The following KIRREL1 variants were observed in gnomAD, a reference collection of about 807,000 sequenced individuals.
KIRREL1 encodes the protein kirre like nephrin family adhesion molecule 1, also known as kin of IRRE-like protein 1.
In KIRREL1, 25 loss-of-function variants were observed where a neutral mutation model predicts 83.3. The observed-to-expected ratio is 0.30, with a 90% CI of 0.22 to 0.42. The LOEUF (loss-of-function observed/expected upper bound fraction) is 0.42. Among genes scored for constraint, KIRREL1 ranks in the 10% least tolerant of loss-of-function variants. The pLI, the probability that KIRREL1 is intolerant of heterozygous loss-of-function variation, is 1.00. For synonymous variants in KIRREL1, 388 were observed against 410.4 expected, an observed-to-expected ratio of 0.95 and a Z score of 0.66; for missense variants, 812 against 1,032.3, an observed-to-expected ratio of 0.79 and a Z score of 2.92.
intron 1 of KIRREL1, among the ~76,000 whole-genome samples, chr1:158,043,444 C>A (rs771552045): frequency 1.3e-5 from 2 of 152,216 alleles, no homozygotes; most frequent in Non-Finnish European, 2.9e-5. Flanking sequence ...GGCCTCCACC[C>A]CAGGCGGGAT....
intron 1 of KIRREL1, among the ~76,000 whole-genome samples, chr1:158,050,970 A>G (rs1350455505): frequency 1.3e-5 from 2 of 152,220 alleles, no homozygotes; most frequent in African/African-American, 2.4e-5. Context: ...TGAAAACTTA[A>G]GAGCAGGAAG....
At chr1:158,017,797 A>C (rs965752010) in intron 1 of KIRREL1, among the ~76,000 whole-genome samples, 3 of 151,418 alleles carry the variant, frequency 2.0e-5, no homozygotes, top group Non-Finnish European at 4.4e-5. Context: ...ACTTACAAGG[A>C]AAAAAAAGAA....
chr1:158,039,924 T>C (rs987498665), intron 1 of KIRREL1, among the ~76,000 whole-genome samples: 7 of 152,190 alleles, frequency 4.6e-5, no homozygotes, highest in Non-Finnish European at 8.8e-5. Flanking sequence ...TGTTTTGATG[T>C]GTTTGGTTTT....
intron 7 of KIRREL1, 47 bp from the exon 8 acceptor site, chr1:158,088,280 C>A (rs1662078694): frequency 6.2e-7 from 1 of 1,600,746 alleles, no homozygotes; most frequent in East Asian, 2.2e-5. Context: ...TTGGAGTTAA[C>A]CCCATGAGCT....
intron 1 of KIRREL1, among the ~76,000 whole-genome samples, chr1:158,070,530 C>T (rs963990808): frequency 2.6e-5 from 4 of 152,110 alleles, no homozygotes; most frequent in Non-Finnish European, 5.9e-5. Flanking sequence ...TCTCTGTTAT[C>T]CAGGGGCTCC....
intron 3 of KIRREL1, among the ~76,000 whole-genome samples, chr1:158,080,035 G>A (rs1015931223): frequency 2.0e-5 from 3 of 152,138 alleles, no homozygotes; most frequent in African/African-American, 7.2e-5. Context: ...GCAGGAATGA[G>A]GTTAGACAGC....
At chr1:157,996,015 G>A (rs1024284465) in intron 1 of KIRREL1, among the ~76,000 whole-genome samples, 6 of 150,904 alleles carry the variant, frequency 4.0e-5, no homozygotes, top group Admixed American at 6.6e-5. Flanking sequence ...CTAGGTCAGG[G>A]ACTGGGGCAG....
At chr1:158,064,866 C>T (rs1661318029) in intron 1 of KIRREL1, among the ~76,000 whole-genome samples, 1 of 150,106 alleles carries the variant, frequency 6.7e-6, no homozygotes, top group Non-Finnish European at 1.5e-5. Flanking sequence ...CTCATAGACT[C>T]AGATGGTTCA....
chr1:158,079,907 C>A (rs1306560514), intron 3 of KIRREL1, among the ~76,000 whole-genome samples: 2 of 152,218 alleles, frequency 1.3e-5, no homozygotes, highest in East Asian at 3.8e-4. Flanking sequence ...TAAGTGAGGA[C>A]TGGAGGGACC....
intron 1 of KIRREL1, among the ~76,000 whole-genome samples, chr1:157,995,902 G>T (rs1309896541): frequency 2.0e-5 from 3 of 151,902 alleles, no homozygotes; most frequent in African/African-American, 7.3e-5. Context: ...TGGGGAGGAG[G>T]CAGAGAGGGA....
At chr1:158,003,452 C>G (rs1659424781) in intron 1 of KIRREL1, among the ~76,000 whole-genome samples, 1 of 152,140 alleles carries the variant, frequency 6.6e-6, no homozygotes, top group Non-Finnish European at 1.5e-5. Context: ...TTGACTTGCT[C>G]CTCTTTGTCT....
intron 3 of KIRREL1, among the ~76,000 whole-genome samples, chr1:158,083,413 G>A (rs1220930525): frequency 1.3e-5 from 2 of 152,210 alleles, no homozygotes; most frequent in Non-Finnish European, 2.9e-5. Context: ...ACTGGGATTT[G>A]AACAGGATAG....
intron 1 of KIRREL1, among the ~76,000 whole-genome samples, chr1:158,069,920 T>C (rs1336707553): frequency 6.6e-6 from 1 of 152,222 alleles, no homozygotes; most frequent in Admixed American, 6.5e-5. Flanking sequence ...AGGGGCTACT[T>C]CTGCTGGTAG....
rs902046194 is a variant in KIRREL1, at chr1:158,091,263, G to A, written c.1273-95G>A. On this transcript the variant is annotated intron_variant, in intron 10 of 14. Transcript: ENST00000359209. ...TTGTGGGGCACACATGGCACATAGG[G>A]GTGAGGGTGCCTTGAGGGTGGATCA... The A allele has an allele frequency of 1.4e-4, 161 of 1,142,072 alleles. No individual in the cohort carries two copies. The Admixed American group carries it at 3.2e-3, about 23-fold the overall frequency. The allele number at this position is 1,142,072 out of a possible 1,614,324, so 70.7% of individuals were successfully genotyped here.
intron 1 of KIRREL1, among the ~76,000 whole-genome samples, chr1:158,045,422 C>T (rs1174668112): frequency 6.6e-6 from 1 of 152,248 alleles, no homozygotes; most frequent in Non-Finnish European, 1.5e-5. Context: ...GTGGTTCCCA[C>T]AACCCCTTTG....
intron 1 of KIRREL1, among the ~76,000 whole-genome samples, chr1:158,068,355 T>C (rs1047141924): frequency 6.6e-6 from 1 of 152,030 alleles, no homozygotes; most frequent in South Asian, 2.1e-4. Flanking sequence ...GGCAATGGAG[T>C]TTTCTGACCT....
At chr1:157,999,164 C>G (rs1214720339) in intron 1 of KIRREL1, among the ~76,000 whole-genome samples, 1 of 152,106 alleles carries the variant, frequency 6.6e-6, no homozygotes, top group Non-Finnish European at 1.5e-5. Flanking sequence ...AGTTCTCAGC[C>G]CAGAAATTCC....
chr1:157,995,924 T>A (rs1274844529), intron 1 of KIRREL1, among the ~76,000 whole-genome samples: 4 of 148,768 alleles, frequency 2.7e-5, no homozygotes, highest in Non-Finnish European at 6.0e-5. Flanking sequence ...GGAGTAGGGG[T>A]CTGGGGAGAC....
At chr1:157,999,881 GA>G in intron 1 of KIRREL1, among the ~76,000 whole-genome samples, 2 of 152,286 alleles carry the variant, frequency 1.3e-5, no homozygotes, top group Middle Eastern at 3.4e-3. Flanking sequence ...TCACTTTTGT[GA>G]AGGGCAATTT....
Sources: gnomAD v4.1 joint callset for allele counts (sites outside exome capture counted in the v4.1 genomes callset) on GRCh38, gnomAD v4.1.1 for gene constraint, MANE v1.5 for transcripts, NCBI Gene and HGNC (gene_info 2026-07-23, HGNC 2026-07-21) for gene names.